CMYA5: variants seen among roughly 807,000 people sequenced by gnomAD.
CMYA5 encodes cardiomyopathy-associated protein 5.
In CMYA5, 246 loss-of-function variants were observed where a neutral mutation model predicts 318.9. The ratio of observed to expected loss-of-function variants is 0.77; its 90% CI spans 0.70 to 0.86. The LOEUF is 0.86. Among genes scored for constraint, CMYA5 ranks in the 40% least tolerant of loss-of-function variants. The probability of loss-of-function intolerance (pLI) is 0.00; values close to 1 mark genes in which losing one functional copy is unlikely to be tolerated. For synonymous variants in CMYA5, 1,641 were observed against 1,729.5 expected (o/e 0.95, Z 1.27); for missense variants, 4,589 against 4,678.2 (o/e 0.98, Z 0.56).
Position 79,689,930 on chromosome 5 carries a change from A to G in CMYA5, c.23A>G (p.His8Arg), listed in dbSNP as rs1231642820. The change falls in exon 1 of 13, where the codon CAC (histidine) becomes CGC (arginine). Residue 8 changes from histidine (H) to arginine (R), a missense_variant. Physicochemically the swap from His to Arg is conservative, Grantham distance 29. Around this residue, in one of 3 missense-constraint regions of CMYA5, gnomAD observed 2,132 missense variants for 2,131.3 expected, o/e 1.00. Transcript: ENST00000446378. MASRDSN[H>R]AGESFLGSDG... Reference sequence around the variant, plus strand: ...GCGATGGCGAGCCGCGATAGCAACCACGCTGGCGAGAGCTTTCTCGGCTCC... The same window carrying G: ...GCGATGGCGAGCCGCGATAGCAACCGCGCTGGCGAGAGCTTTCTCGGCTCC... 1.0e-6 allele frequency: 1 copy of G among 958,288 alleles called. No individual in the cohort carries two copies. Among genetic ancestry groups the G allele is most frequent in the African/African-American group, 1.7e-5 (1 of 59,942 alleles). The allele number at this position is 958,288 out of a possible 1,614,324, so 59.4% of individuals were successfully genotyped here.
At position 79,745,374 on chromosome 5, in the gene CMYA5, G is replaced by T. The variant is rs1298809869; in HGVS notation, c.10887G>T (p.Leu3629=). Residue 3629 remains leucine, a synonymous_variant, in exon 4 of 13, where the codon CTG becomes CTT. Coordinates refer to ENST00000446378, the MANE Select transcript of CMYA5 (RefSeq NM_153610.5). ...TGCATGAGCAGATGGTCCACTTTCTGCAGAGCATGGACACTGCCAAAGACA... is the reference window on the plus strand; with the variant it reads ...TGCATGAGCAGATGGTCCACTTTCTTCAGAGCATGGACACTGCCAAAGACA... ...EFLHEQMVHF[L]QSMDTAKDTL... The T allele has an allele frequency of 6.2e-7, 1 of 1,613,966 alleles. No individual in the cohort carries two copies. The highest frequency in any genetic ancestry group is 8.5e-7 in the Non-Finnish European group (1 of 1,179,858).
At chr5:79,769,913 C>A (rs957565566) in intron 9 of CMYA5, among the ~76,000 whole-genome samples, 9 of 152,182 alleles carry the variant, frequency 5.9e-5, no homozygotes, top group African/African-American at 2.2e-4. Flanking sequence ...ACTGCCCCTT[C>A]CCCCAAGTGC....
intron 5 of CMYA5, among the ~76,000 whole-genome samples, chr5:79,749,527 GA>G (rs1179373801): frequency 1.3e-5 from 2 of 151,918 alleles, no homozygotes; most frequent in East Asian, 1.9e-4. Context: ...GTGACAGTTT[GA>G]AAAAAACTCA....
In CMYA5 at chr5:79,739,852, G is replaced by A. The variant is rs370398805; in HGVS notation, c.10638+449G>A. ...ACAAAAATTAGCTGGGCATGGTGGCGCACACCTGTAGTTTAAGTTACTTGG... is the reference window on the plus strand; with the variant it reads ...ACAAAAATTAGCTGGGCATGGTGGCACACACCTGTAGTTTAAGTTACTTGG... On this transcript the variant is annotated intron_variant, in intron 2 of 12. Transcript: ENST00000446378. Among the ~76,000 whole-genome samples the A allele has an allele frequency of 7.9e-5, 12 of 151,920 alleles. No homozygotes were observed. In the East Asian group the frequency reaches 1.4e-3, roughly 17 times the overall value.
At chr5:79,760,785 G>A (rs76785761) in intron 7 of CMYA5, among the ~76,000 whole-genome samples, 1 of 152,288 alleles carries the variant, frequency 6.6e-6, no homozygotes, top group East Asian at 1.9e-4. Flanking sequence ...CTAAAAGAAT[G>A]ATTCCAGTGA....
At chr5:79,713,164 G>A (rs1501913) in intron 1 of CMYA5, among the ~76,000 whole-genome samples, 33,349 of 151,962 alleles carry the variant, frequency 0.22, 4,504 homozygotes, top group Admixed American at 0.34. Flanking sequence ...GTGGTTCTCA[G>A]CTATTACATA....
chr5:79,734,715 G>A lies in CMYA5; in HGVS notation c.5950G>A (p.Glu1984Lys). ...ATCAAGTAAAAGTTACTCTTCTGAA[G>A]AAGTAAAGCTGGCTGAAGAACCAAA... is the stretch of plus-strand genomic sequence containing the variant. Reference protein sequence around the residue: ...TLSSKSYSSEEVKLAEEPKSL... With the variant: ...TLSSKSYSSEKVKLAEEPKSL... The change falls in exon 2 of 13, where the codon GAA (glutamate) becomes AAA (lysine). Residue 1984 changes from glutamate to lysine, a missense_variant. Physicochemically the swap from Glu to Lys is moderately conservative, Grantham distance 56. This residue lies in a region of CMYA5 where 2,431 missense variants were observed against 2,495.1 expected (regional missense o/e 0.97). Transcript: ENST00000446378. The A allele has an allele frequency of 6.2e-7, 1 of 1,613,854 alleles. No homozygotes were observed. Among genetic ancestry groups the A allele is most frequent in the South Asian group, 1.1e-5 (1 of 91,086 alleles).
intron 7 of CMYA5, among the ~76,000 whole-genome samples, chr5:79,759,338 T>C (rs1417226550): frequency 6.6e-6 from 1 of 152,258 alleles, no homozygotes; most frequent in South Asian, 2.1e-4. Flanking sequence ...CACAATGACC[T>C]GAATGCAAAT....
In CMYA5 at chr5:79,747,076, C is replaced by G; in HGVS notation, c.10969-15C>G. The G allele has an allele frequency of 1.4e-6, 2 of 1,457,022 alleles. No homozygotes were observed. The highest frequency in any genetic ancestry group is 1.9e-6 in the Non-Finnish European group (2 of 1,062,380). The allele number at this position is 1,457,022 out of a possible 1,614,324, so 90.3% of individuals were successfully genotyped here. A position where few individuals can be genotyped will look rare whatever the true frequency, so the allele number is the denominator to read the frequency against. On this transcript the variant is annotated splice_polypyrimidine_tract_variant and intron_variant, in intron 4 of 12. Coordinates refer to ENST00000446378, the MANE Select transcript of CMYA5 (RefSeq NM_153610.5). ...TCTCTCTTCTCCTCCTCCTTCCTCT[C>G]TCTTTCTCCCTAAGTCGTTTGAGGA...
intron 6 of CMYA5, among the ~76,000 whole-genome samples, chr5:79,753,605 C>CAAA (rs60059070): frequency 0.013 from 1,974 of 151,994 alleles, 29 homozygotes; most frequent in African/African-American, 0.045. Flanking sequence ...ACAACAACAA[C>CAAA]AAAAAACCCC....
At position 79,737,217 on chromosome 5, in the gene CMYA5, C is replaced by A; in HGVS notation, c.8452C>A (p.Gln2818Lys). 1 of 1,613,718 alleles carries A rather than the reference C, an allele frequency of 6.2e-7. No homozygotes were observed. The highest frequency in any genetic ancestry group is 8.5e-7 in the Non-Finnish European group (1 of 1,179,806). ...PPYLLSPVKP[Q>K]TLASGASPEI... ...ATATTTGCTGTCACCTGTAAAACCACAAACTCTTGCTTCAGGAGCTTCTCC... is the reference window on the plus strand; with the variant it reads ...ATATTTGCTGTCACCTGTAAAACCAAAAACTCTTGCTTCAGGAGCTTCTCC... The change falls in exon 2 of 13, where the codon CAA becomes AAA. Residue 2818 changes from glutamine (Q) to lysine (K), a missense_variant. Gln to Lys is a moderately conservative substitution (Grantham distance 53). Coordinates refer to ENST00000446378, the MANE Select transcript of CMYA5 (RefSeq NM_153610.5).
At chr5:79,768,159 A>G (rs1828788361) in intron 9 of CMYA5, among the ~76,000 whole-genome samples, 1 of 151,410 alleles carries the variant, frequency 6.6e-6, no homozygotes, top group African/African-American at 2.4e-5. Flanking sequence ...CTTGGTAAGT[A>G]TTCCTCCATC....
In CMYA5 at chr5:79,689,873, C is replaced by T. The variant is rs542521672; in HGVS notation, c.-35C>T. ...AACACCAGGCGCGGCGCGGGCGGCTCCGGCTCCGGCCCCGGCCCAGGCCCG... is the reference window on the plus strand; with the variant it reads ...AACACCAGGCGCGGCGCGGGCGGCTTCGGCTCCGGCCCCGGCCCAGGCCCG... On this transcript the variant is annotated 5_prime_UTR_variant, in exon 1 of 13. Transcript: ENST00000446378. 2.9e-6 allele frequency: 2 copies of T among 682,884 alleles called. No individual in the cohort carries two copies. Among genetic ancestry groups the T allele is most frequent in the African/African-American group, 3.9e-5 (2 of 51,542 alleles). 42.3% of individuals were successfully genotyped at this position (682,884 alleles called of 1,614,324 possible). A position where few individuals can be genotyped will look rare whatever the true frequency, so the allele number is the denominator to read the frequency against.
chr5:79,769,053 G>C (rs969104490), intron 9 of CMYA5, among the ~76,000 whole-genome samples: 1 of 151,624 alleles, frequency 6.6e-6, no homozygotes, highest in African/African-American at 2.4e-5. Context: ...TTGATCTTCA[G>C]TCTCTGATAA....
chr5:79,717,154 G>T (rs1226230343), intron 1 of CMYA5, among the ~76,000 whole-genome samples: 2 of 152,138 alleles, frequency 1.3e-5, no homozygotes, highest in Non-Finnish European at 2.9e-5. Flanking sequence ...AGTTGTGATT[G>T]TTCCAGGACC....
rs1828296102 is a variant in CMYA5, at chr5:79,745,246, A to AG, written c.10761dup (p.Leu3588AlafsTer6). The AG allele has an allele frequency of 1.3e-6, 2 of 1,590,284 alleles. No homozygotes were observed. Among genetic ancestry groups the AG allele is most frequent in the Non-Finnish European group, 1.7e-6 (2 of 1,167,590 alleles). ...GGAAAACTGTAGTAAAAATGAGAAA[A>AG]GGCTAGAAGAACAGAATGAGGAAAT... On this transcript the variant is annotated frameshift_variant, in exon 4 of 13. Transcript: ENST00000446378. LOFTEE classifies it high-confidence loss of function.
intron 1 of CMYA5, among the ~76,000 whole-genome samples, chr5:79,722,722 A>G (rs1484353313): frequency 6.6e-6 from 1 of 151,644 alleles, no homozygotes; most frequent in Non-Finnish European, 1.5e-5. Context: ...GATAGTATAA[A>G]TATTAAATAA....
intron 9 of CMYA5, among the ~76,000 whole-genome samples, chr5:79,771,788 G>A (rs1828860719): frequency 6.6e-6 from 1 of 152,158 alleles, no homozygotes; most frequent in African/African-American, 2.4e-5. Flanking sequence ...TGAGGGTATG[G>A]AGTCAGGATT....
chr5:79,734,606 G>A lies in CMYA5; in HGVS notation c.5841G>A (p.Leu1947=). The change falls in exon 2 of 13, where the codon CTG becomes CTA. Residue 1947 remains leucine, a synonymous_variant. Coordinates refer to ENST00000446378, the MANE Select transcript of CMYA5 (RefSeq NM_153610.5). ...DHTCEVRKQV[L]PHSAEESHLS... ...CATGTGAAGTGAGAAAGCAGGTCCT[G>A]CCGCATTCTGCTGAAGAATCTCATT... The A allele has an allele frequency of 6.2e-7, 1 of 1,613,864 alleles. No individual in the cohort carries two copies. Among genetic ancestry groups the A allele is most frequent in the Non-Finnish European group, 8.5e-7 (1 of 1,179,812 alleles).
Sources: allele counts gnomAD v4.1 joint callset (sites outside exome capture counted in the v4.1 genomes callset), GRCh38; gene constraint gnomAD v4.1.1; regional missense constraint gnomAD v4.1.1; transcripts MANE v1.5; gene names NCBI Gene and HGNC (gene_info 2026-07-23, HGNC 2026-07-21).